The following BTBD9 variants were observed in gnomAD, a reference collection of about 807,000 sequenced individuals.
The protein encoded by BTBD9 is BTB/POZ domain-containing protein 9.
Under a neutral mutation model 64.3 loss-of-function variants are expected in BTBD9, and 49 were observed. That is an observed-to-expected ratio of 0.76 (90% CI 0.61 to 0.97). BTBD9 has a LOEUF of 0.97. BTBD9 is among the 50% of genes least tolerant of loss of function. BTBD9 has a pLI of 0.00. For missense variants in BTBD9, 598 were observed against 762.1 expected (o/e 0.78, Z 2.53); for synonymous variants, 260 against 274.7 (o/e 0.95, Z 0.53).
intron 6 of BTBD9, among the ~76,000 whole-genome samples, chr6:38,503,302 GCTGCTGCCCT>G (rs1772298756): frequency 6.6e-6 from 1 of 151,940 alleles, no homozygotes; most frequent in Non-Finnish European, 1.5e-5. Flanking sequence ...CACAAACAGG[GCTGCTGCCCT>G]CCCCCTTCTC....
intron 1 of BTBD9, among the ~76,000 whole-genome samples, chr6:38,638,382 T>C (rs1426219773): frequency 6.6e-6 from 1 of 152,210 alleles, no homozygotes; most frequent in Non-Finnish European, 1.5e-5. Context: ...GGGAGGCACA[T>C]GTATTAAGTA....
intron 6 of BTBD9, among the ~76,000 whole-genome samples, chr6:38,402,370 A>G (rs1341649033): frequency 6.6e-6 from 1 of 151,952 alleles, no homozygotes; most frequent in Non-Finnish European, 1.5e-5. Flanking sequence ...AAGAACCCAG[A>G]ATAGCCAAAA....
chr6:38,264,693 C>T (rs1020041533), intron 8 of BTBD9, among the ~76,000 whole-genome samples: 3 of 152,224 alleles, frequency 2.0e-5, no homozygotes, highest in African/African-American at 4.8e-5. Context: ...GACGTGGCTT[C>T]ACCCTCAGGT....
chr6:38,446,306 G>GTT (rs764323192), intron 6 of BTBD9, among the ~76,000 whole-genome samples: 2 of 145,620 alleles, frequency 1.4e-5, no homozygotes, highest in African/African-American at 2.5e-5. Context: ...TAAACAACTA[G>GTT]TTTTTTTTTT....
In BTBD9 at chr6:38,415,989, C is replaced by T. The variant is rs541157260; in HGVS notation, c.1155-70896G>A. Among the ~76,000 whole-genome samples, 38 of 152,316 alleles carry T rather than the reference C, an allele frequency of 2.5e-4. No individual in the cohort carries two copies. In the South Asian group the frequency reaches 6.8e-3, roughly 27 times the overall value. The stretch of plus-strand genomic sequence containing the variant: ...GCCAGAGAAGTTGGCCAGAACCAGA[C>T]AGATTGGCTAGATGTAGCATCAAAA... On this transcript the variant is annotated intron_variant, in intron 6 of 10. Coordinates refer to ENST00000481247, the MANE Select transcript of BTBD9 (RefSeq NM_001099272.2).
At chr6:38,177,000 T>C (rs1761292397) in intron 10 of BTBD9, among the ~76,000 whole-genome samples, 1 of 152,220 alleles carries the variant, frequency 6.6e-6, no homozygotes. Context: ...TCTTTTGCAG[T>C]ATGACCCAGA....
intron 4 of BTBD9, among the ~76,000 whole-genome samples, chr6:38,587,084 A>C (rs951464298): frequency 6.6e-6 from 1 of 152,020 alleles, no homozygotes; most frequent in African/African-American, 2.4e-5. Flanking sequence ...AAAAGGATAA[A>C]ATTTACTTAG....
chr6:38,252,129 G>A (rs1764423917), intron 9 of BTBD9, among the ~76,000 whole-genome samples: 1 of 152,128 alleles, frequency 6.6e-6, no homozygotes, highest in Non-Finnish European at 1.5e-5. Flanking sequence ...GGAGCAGAGA[G>A]ACTAACAGAG....
Position 38,580,447 on chromosome 6 carries a change from A to C in BTBD9, c.815-10T>G. ...ATGTTTTCTTCTGGTACTACAGTTA[A>C]AAATAGAAAAAGCAAGGTTAATGAT... On this transcript the variant is annotated splice_polypyrimidine_tract_variant and intron_variant, in intron 4 of 10. Coordinates refer to ENST00000481247, the MANE Select transcript of BTBD9 (RefSeq NM_001099272.2). The C allele has an allele frequency of 6.2e-7, 1 of 1,604,886 alleles. No individual in the cohort carries two copies. Among genetic ancestry groups the C allele is most frequent in the Non-Finnish European group, 8.5e-7 (1 of 1,172,950 alleles).
intron 4 of BTBD9, among the ~76,000 whole-genome samples, chr6:38,581,905 C>T (rs575407228): frequency 3.9e-5 from 6 of 152,118 alleles, no homozygotes; most frequent in South Asian, 4.1e-4. Flanking sequence ...AAAAAGCACA[C>T]GATAAGAGAA....
rs6911508 is a variant in BTBD9, at chr6:38,469,947, A to G, written c.1154+107653T>C. On this transcript the variant is annotated intron_variant, in intron 6 of 10. Coordinates refer to ENST00000481247, the MANE Select transcript of BTBD9 (RefSeq NM_001099272.2). The stretch of plus-strand genomic sequence containing the variant: ...AGCACGTACACAAGAATTTAGAATT[A>G]CCTCAAAATTTTATCACTGTCAGAA... 7.3e-3 allele frequency among the ~76,000 whole-genome samples: 1,113 copies of G among 152,302 alleles called. 9 individuals are homozygous for G. Among genetic ancestry groups the G allele is most frequent in the African/African-American group, 0.025 (1,052 of 41,562 alleles).
chr6:38,459,628 GTGTAA>G (rs778131593), intron 6 of BTBD9, among the ~76,000 whole-genome samples: 5 of 152,202 alleles, frequency 3.3e-5, no homozygotes, highest in Admixed American at 6.5e-5. Flanking sequence ...TATGGCAGAT[GTGTAA>G]TGTCAACAAG....
At chr6:38,490,974 A>G (rs541633654) in intron 6 of BTBD9, among the ~76,000 whole-genome samples, 2 of 152,310 alleles carry the variant, frequency 1.3e-5, no homozygotes, top group African/African-American at 4.8e-5. Flanking sequence ...TAAATGTTGG[A>G]TATGGGCATA....
chr6:38,610,008 G>A (rs1037110487), intron 1 of BTBD9, among the ~76,000 whole-genome samples: 5 of 152,106 alleles, frequency 3.3e-5, no homozygotes, highest in Non-Finnish European at 5.9e-5. Context: ...CACAAGAAGA[G>A]AACCTATTTA....
At chr6:38,252,887 A>T (rs1764449150) in intron 9 of BTBD9, among the ~76,000 whole-genome samples, 1 of 152,184 alleles carries the variant, frequency 6.6e-6, no homozygotes, top group Non-Finnish European at 1.5e-5. Flanking sequence ...TGGGCGGATC[A>T]CCTGAGGTCA....
At chr6:38,365,781 T>C in intron 6 of BTBD9, among the ~76,000 whole-genome samples, 1 of 148,884 alleles carries the variant, frequency 6.7e-6, no homozygotes. Flanking sequence ...AAAAACATAC[T>C]GAAGGTACAA....
chr6:38,464,398 C>G (rs1409175864), intron 6 of BTBD9, among the ~76,000 whole-genome samples: 1 of 151,250 alleles, frequency 6.6e-6, no homozygotes, highest in East Asian at 1.9e-4. Context: ...AAAAAACCCA[C>G]TTGAAAGAGT....
intron 6 of BTBD9, among the ~76,000 whole-genome samples, chr6:38,536,470 T>C (rs1248639484): frequency 6.6e-6 from 1 of 152,138 alleles, no homozygotes; most frequent in Non-Finnish European, 1.5e-5. Context: ...GCAATCCCAC[T>C]GCTAGGTATA....
intron 6 of BTBD9, among the ~76,000 whole-genome samples, chr6:38,416,498 C>A (rs1359692855): frequency 8.7e-6 from 1 of 115,162 alleles, no homozygotes; most frequent in Non-Finnish European, 1.7e-5. Context: ...CCATGCCCAG[C>A]TAATTTTTTT....
Sources: allele counts gnomAD v4.1 joint callset (sites outside exome capture counted in the v4.1 genomes callset), GRCh38; gene constraint gnomAD v4.1.1; transcripts MANE v1.5; gene names NCBI Gene and HGNC (gene_info 2026-07-23, HGNC 2026-07-21).